Variants in STXBP5 observed in about 807,000 individuals in gnomAD.
STXBP5 encodes syntaxin binding protein 5.
A neutral mutation model predicts 152.4 loss-of-function variants in STXBP5; 50 were observed. The ratio of observed to expected loss-of-function variants is 0.33; its 90% CI spans 0.26 to 0.42. The LOEUF is 0.42. STXBP5 is among the 10% of genes least tolerant of loss of function. STXBP5 has a pLI of 1.00. For missense variants in STXBP5, 1,167 were observed against 1,388.6 expected, an observed-to-expected ratio of 0.84 and a Z score of 2.54; for synonymous variants, 492 against 494.7, an observed-to-expected ratio of 0.99 and a Z score of 0.07.
At chr6:147,341,341 G>A (rs1210628115) in intron 21 of STXBP5, among the ~76,000 whole-genome samples, 2 of 152,088 alleles carry the variant, frequency 1.3e-5, no homozygotes, top group Admixed American at 6.6e-5. Context: ...GTCAAGACTG[G>A]TATTTTGTGC....
intron 18 of STXBP5, among the ~76,000 whole-genome samples, chr6:147,330,239 G>C (rs1275645676): frequency 2.0e-5 from 3 of 151,910 alleles, no homozygotes. Context: ...ATATTGTTTT[G>C]CTGGTCATTT....
intron 2 of STXBP5, among the ~76,000 whole-genome samples, chr6:147,213,292 G>T (rs531234974): frequency 7.2e-4 from 109 of 150,734 alleles, no homozygotes; most frequent in African/African-American, 2.5e-3. Flanking sequence ...TTGAGATAGG[G>T]TTTCTTTCTG....
chr6:147,344,725 C>T (rs935696592), intron 21 of STXBP5, among the ~76,000 whole-genome samples: 6 of 152,168 alleles, frequency 3.9e-5, no homozygotes, highest in Admixed American at 6.5e-5. Flanking sequence ...AAAGGCCTGT[C>T]TCCTAGTATA....
intron 21 of STXBP5, 54 bp from the exon 22 acceptor site, chr6:147,353,269 A>C: frequency 8.6e-7 from 1 of 1,158,692 alleles, no homozygotes; most frequent in Non-Finnish European, 1.2e-6. Flanking sequence ...ATCAGTTGAT[A>C]TTAGTATGAA....
At chr6:147,206,451 A>G (rs990456119) in intron 2 of STXBP5, among the ~76,000 whole-genome samples, 3 of 152,196 alleles carry the variant, frequency 2.0e-5, no homozygotes, top group Non-Finnish European at 4.4e-5. Context: ...CATGGTAGAT[A>G]TTGAACTTAT....
rs1778423703 is a variant in STXBP5, at chr6:147,239,274, A to C, written c.431+4A>C. 1 of 1,610,590 alleles carries C rather than the reference A, an allele frequency of 6.2e-7. No homozygotes were observed. Among genetic ancestry groups the C allele is most frequent in the African/African-American group, 1.3e-5 (1 of 74,964 alleles). On this transcript the variant is annotated splice_donor_region_variant and intron_variant, in intron 4 of 27. Coordinates refer to ENST00000321680, the MANE Select transcript of STXBP5 (RefSeq NM_001127715.4). ...CGCTTAAATTTTGCAGAGAAAGGTAAGAATTCTCCCAGTTATCTTATGTAT... is the reference window on the plus strand; with the variant it reads ...CGCTTAAATTTTGCAGAGAAAGGTACGAATTCTCCCAGTTATCTTATGTAT...
intron 9 of STXBP5, among the ~76,000 whole-genome samples, chr6:147,296,112 C>T (rs922472476): frequency 2.6e-5 from 4 of 152,292 alleles, no homozygotes; most frequent in East Asian, 1.9e-4. Flanking sequence ...CCCTGGGCTG[C>T]TGCAGTACTA....
chr6:147,219,651 T>G (rs1018526498), intron 2 of STXBP5, among the ~76,000 whole-genome samples: 1 of 152,124 alleles, frequency 6.6e-6, no homozygotes, highest in African/African-American at 2.4e-5. Context: ...CCATTTCATC[T>G]GTGTCATCAA....
intron 21 of STXBP5, among the ~76,000 whole-genome samples, chr6:147,352,394 G>C (rs761297953): frequency 6.6e-6 from 1 of 152,136 alleles, no homozygotes; most frequent in Non-Finnish European, 1.5e-5. Context: ...CCAGCACTTC[G>C]GGAGGCCGAA....
intron 4 of STXBP5, among the ~76,000 whole-genome samples, chr6:147,247,393 C>G (rs867028696): frequency 3.3e-5 from 5 of 152,254 alleles, no homozygotes; most frequent in African/African-American, 1.2e-4. Context: ...ATCTGCTACT[C>G]TGGACCTAAT....
rs1786285986 is a variant in STXBP5 at position 147,385,280 on chromosome 6, GT to G, written c.*528del. On this transcript the variant is annotated 3_prime_UTR_variant, in exon 28 of 28. Coordinates refer to ENST00000321680, the MANE Select transcript of STXBP5 (RefSeq NM_001127715.4). ...ATCATTAGTGAAAAAGAAACAAATT[GT>G]TTGTTATCATCTCTTTAGACAGATA... 6.6e-6 allele frequency: 1 copy of G among 152,314 alleles called. No individual in the cohort carries two copies. Among genetic ancestry groups the G allele is most frequent in the Non-Finnish European group, 1.5e-5 (1 of 68,302 alleles). 9.4% of individuals were successfully genotyped at this position (152,314 alleles called of 1,614,324 possible).
Position 147,267,111 on chromosome 6 carries a change from G to A in STXBP5, c.658G>A (p.Val220Ile). ...TTTGATTGGCTTTGAATCTGGAACA[G>A]TAGTTTTATGGGACCTCAAATCAAA... ...KLLIGFESGT[V>I]VLWDLKSKKA... is the part of the protein sequence containing the mutation. Residue 220 changes from valine (V) to isoleucine (I), a missense_variant, in exon 7 of 28, where the codon GTA becomes ATA. Coordinates refer to ENST00000321680, the MANE Select transcript of STXBP5 (RefSeq NM_001127715.4). The A allele has an allele frequency of 6.2e-7, 1 of 1,611,410 alleles. No individual in the cohort carries two copies. Among genetic ancestry groups the A allele is most frequent in the Non-Finnish European group, 8.5e-7 (1 of 1,178,974 alleles).
At chr6:147,341,274 C>G (rs1323534475) in intron 21 of STXBP5, among the ~76,000 whole-genome samples, 1 of 151,990 alleles carries the variant, frequency 6.6e-6, no homozygotes, top group African/African-American at 2.4e-5. Context: ...TATTGAAAAA[C>G]ATAAAATGTC....
intron 4 of STXBP5, among the ~76,000 whole-genome samples, chr6:147,259,362 A>G (rs1328565135): frequency 2.0e-5 from 3 of 152,194 alleles, no homozygotes; most frequent in African/African-American, 4.8e-5. Context: ...ACAAAGTACT[A>G]TCAAATCATT....
chr6:147,330,700 G>A (rs954857404), intron 18 of STXBP5, among the ~76,000 whole-genome samples: 6 of 152,150 alleles, frequency 3.9e-5, no homozygotes, highest in Admixed American at 1.3e-4. Flanking sequence ...ACTTATGGCA[G>A]CCTGTTGACA....
intron 12 of STXBP5, 48 bp from the exon 13 acceptor site, chr6:147,314,216 T>A: frequency 1.4e-6 from 2 of 1,456,514 alleles, no homozygotes. Context: ...CACACGGAGG[T>A]ATGTAGTATG....
chr6:147,240,050 C>T (rs1468750199), intron 4 of STXBP5, among the ~76,000 whole-genome samples: 1 of 151,724 alleles, frequency 6.6e-6, no homozygotes, highest in Non-Finnish European at 1.5e-5. Context: ...TCAAGTGATT[C>T]TCATGCCTCA....
In STXBP5 at chr6:147,205,968, T is replaced by G; in HGVS notation, c.151-3T>G. The G allele has an allele frequency of 6.2e-7, 1 of 1,613,944 alleles. No individual in the cohort carries two copies. Among genetic ancestry groups the G allele is most frequent in the Non-Finnish European group, 8.5e-7 (1 of 1,179,790 alleles). On this transcript the variant is annotated splice_region_variant and splice_polypyrimidine_tract_variant and intron_variant, in intron 1 of 27. Transcript: ENST00000321680. ...TGCTGTGATGTCACTTGCCCATCCC[T>G]AGACTGTTCGCCATGGATTTCCCTA...
At chr6:147,304,070 T>C (rs908896133) in intron 9 of STXBP5, among the ~76,000 whole-genome samples, 1 of 152,168 alleles carries the variant, frequency 6.6e-6, no homozygotes, top group Non-Finnish European at 1.5e-5. Context: ...CTGCAGAAAT[T>C]AGCGTAAGTA....
Sources: gnomAD v4.1 joint callset for allele counts (sites outside exome capture counted in the v4.1 genomes callset) on GRCh38, gnomAD v4.1.1 for gene constraint, MANE v1.5 for transcripts, NCBI Gene and HGNC (gene_info 2026-07-23, HGNC 2026-07-21) for gene names.